Variants in AOC1 observed in about 807,000 individuals in gnomAD.
The protein encoded by AOC1 is diamine oxidase [copper-containing].
A neutral mutation model predicts 57.1 loss-of-function variants in AOC1; 58 were observed. The observed-to-expected ratio is 1.02, with a 90% CI of 0.82 to 1.26. The LOEUF is 1.26. Ranked by LOEUF, AOC1 falls within the 50% of genes most tolerant of loss-of-function variation. AOC1 has a pLI of 0.00. For missense variants in AOC1, 917 were observed against 1,005.3 expected (o/e 0.91, Z 1.19); for synonymous variants, 401 against 423.4 (o/e 0.95, Z 0.65).
In AOC1 at chr7:150,858,922, T is replaced by C. The variant is rs777486658; in HGVS notation, c.1730T>C (p.Leu577Pro). The C allele has an allele frequency of 1.9e-6, 3 of 1,612,728 alleles. No homozygotes were observed. The highest frequency in any genetic ancestry group is 2.2e-5 in the East Asian group (1 of 44,854). Reference sequence around the variant, plus strand: ...TTCAAAAGGAAGCTGCCTAAGTACCTGCTCTTTACCAGCCCCCAGGAGAAC... The same window carrying C: ...TTCAAAAGGAAGCTGCCTAAGTACCCGCTCTTTACCAGCCCCCAGGAGAAC... ...FRFKRKLPKY[L>P]LFTSPQENPW... Residue 577 changes from leucine (L) to proline (P), a missense_variant, in exon 3 of 5, where the codon CTG becomes CCG. Leu to Pro is a moderately conservative substitution (Grantham distance 98, BLOSUM62 -3). Transcript: ENST00000360937.
Position 150,861,330 on chromosome 7 carries a change from T to A in AOC1, c.*121T>A. On this transcript the variant is annotated 3_prime_UTR_variant, in exon 5 of 5. Transcript: ENST00000360937. This position sits in a 1 kb window ranked among gnomAD's most constrained non-coding sequence, Gnocchi z 4.5. ...TCTTGCGGGGAGGCACAGGGCCATG[T>A]GTGTAGGAAACACACGAACAGACGT... 1 of 1,236,556 alleles carries A rather than the reference T, an allele frequency of 8.1e-7. No homozygotes were observed. Among genetic ancestry groups the A allele is most frequent in the Non-Finnish European group, 1.1e-6 (1 of 907,762 alleles). 76.6% of individuals were successfully genotyped at this position (1,236,556 alleles called of 1,614,324 possible). A position where few individuals can be genotyped will look rare whatever the true frequency, so the allele number is the denominator to read the frequency against.
chr7:150,859,746 A>G (rs927513837), intron 3 of AOC1: 1 of 153,800 alleles, frequency 6.5e-6, no homozygotes, highest in Non-Finnish European at 1.5e-5. Context: ...AAATATATCT[A>G]CAATCCATTA....
Position 150,858,896 on chromosome 7 carries a change from C to T in AOC1, c.1704C>T (p.Arg568=). ...CCTGGGAGCGCCAGGCGGCCTTCCG[C>T]TTCAAAAGGAAGCTGCCTAAGTACC... ...QYSWERQAAF[R]FKRKLPKYLL... Residue 568 remains arginine (R), a synonymous_variant, in exon 3 of 5, where the codon CGC becomes CGT. Coordinates refer to ENST00000360937, the MANE Select transcript of AOC1 (RefSeq NM_001091.4). 24 of 1,613,666 alleles carry T rather than the reference C, an allele frequency of 1.5e-5. No homozygotes were observed. The highest frequency in any genetic ancestry group is 2.0e-5 in the Non-Finnish European group (24 of 1,179,740).
In AOC1 at chr7:150,857,425, T is replaced by C. The variant is rs1316167845; in HGVS notation, c.955T>C (p.Tyr319His). 2 of 1,611,004 alleles carry C rather than the reference T, an allele frequency of 1.2e-6. No individual in the cohort carries two copies. Among genetic ancestry groups the C allele is most frequent in the South Asian group, 1.1e-5 (1 of 91,054 alleles). ...CAGGCTGGAGGGCAACGCTGTGCTC[T>C]ACGGCGGCTGGAGCTTTGCCTTCCG... The part of the protein sequence containing the change: ...RFRLEGNAVL[Y>H]GGWSFAFRLR... Residue 319 changes from tyrosine (Y) to histidine (H), a missense_variant, in exon 2 of 5, where the codon TAC (tyrosine) becomes CAC (histidine). Physicochemically the swap from Tyr to His is moderately conservative, Grantham distance 83. Transcript: ENST00000360937. This position sits in a 1 kb window ranked among gnomAD's most constrained non-coding sequence, Gnocchi z 6.6.
chr7:150,860,005 C>G (rs1799919547), intron 3 of AOC1: 1 of 159,834 alleles, frequency 6.3e-6, no homozygotes, highest in East Asian at 1.8e-4. Context: ...ACAGCGAAAC[C>G]CTGTCTCTAC....
chr7:150,860,981 C>T lies in AOC1; in HGVS notation c.2028C>T (p.Ile676=). The T allele has an allele frequency of 6.2e-7, 1 of 1,613,700 alleles. No homozygotes were observed. The highest frequency in any genetic ancestry group is 8.5e-7 in the Non-Finnish European group (1 of 1,179,916). ...VAWVTVGFLH[I]PHSEDIPNTA... ...GGGTGACGGTGGGCTTCCTGCACAT[C>T]CCCCACTCAGAGGACATTCCCAACA... The change falls in exon 5 of 5, where the codon ATC becomes ATT. Residue 676 remains isoleucine, a synonymous_variant. Transcript: ENST00000360937.
intron 1 of AOC1, among the ~76,000 whole-genome samples, chr7:150,853,681 ATATATATATATATATATTTATT>A (rs1264350167): frequency 1.4e-5 from 1 of 72,262 alleles, no homozygotes; most frequent in Admixed American, 1.1e-4. Context: ...ATATATATAT[ATATATATATATATATATTTATT>A]TATTTATTTA....
Position 150,860,651 on chromosome 7 carries a change from G to C in AOC1, c.1989+18G>C. Reference sequence around the variant, plus strand: ...AAAATGAGGTACTGCCCTGTCCCCAGCCCTGCCCGGTGCTGGCCCTGCCTC... The same window carrying C: ...AAAATGAGGTACTGCCCTGTCCCCACCCCTGCCCGGTGCTGGCCCTGCCTC... On this transcript the variant is annotated intron_variant, in intron 4 of 4. Transcript: ENST00000360937. 6.2e-7 allele frequency: 1 copy of C among 1,612,114 alleles called. No homozygotes were observed. The highest frequency in any genetic ancestry group is 8.5e-7 in the Non-Finnish European group (1 of 1,178,828).
In AOC1 at chr7:150,858,964, G is replaced by A. The variant is rs201157437; in HGVS notation, c.1772G>A (p.Arg591His). The A allele has an allele frequency of 7.7e-5, 123 of 1,607,768 alleles. No individual in the cohort carries two copies. The highest frequency in any genetic ancestry group is 8.8e-5 in the South Asian group (8 of 90,526). ...CAGGAGAACCCCTGGGGCCACAAGCGCACGTACCGCCTGCAGATCCACTCC... is the reference window on the plus strand; with the variant it reads ...CAGGAGAACCCCTGGGGCCACAAGCACACGTACCGCCTGCAGATCCACTCC... ...SPQENPWGHKRTYRLQIHSMA... is the reference protein window; with the variant it reads ...SPQENPWGHKHTYRLQIHSMA... The change falls in exon 3 of 5, where the codon CGC (arginine) becomes CAC (histidine). Residue 591 changes from arginine (R) to histidine (H), a missense_variant. By Grantham distance (29) the Arg-to-His change is conservative. Transcript: ENST00000360937.
chr7:150,856,402 A>G lies in AOC1; in HGVS notation c.-16-53A>G. 1 of 1,526,538 alleles carries G rather than the reference A, an allele frequency of 6.6e-7. No individual in the cohort carries two copies. Among genetic ancestry groups the G allele is most frequent in the Non-Finnish European group, 8.8e-7 (1 of 1,142,740 alleles). The allele number at this position is 1,526,538 out of a possible 1,614,324, so 94.6% of individuals were successfully genotyped here. A position where few individuals can be genotyped will look rare whatever the true frequency, so the allele number is the denominator to read the frequency against. On this transcript the variant is annotated intron_variant, in intron 1 of 4. Transcript: ENST00000360937. This position sits in a 1 kb window ranked among gnomAD's most constrained non-coding sequence, Gnocchi z 5.2. ...AATTCCATGGCCCTAACCTGAGGGAAGCCCATCTCTGCCCATAAGACAACT... is the reference window on the plus strand; with the variant it reads ...AATTCCATGGCCCTAACCTGAGGGAGGCCCATCTCTGCCCATAAGACAACT...
Position 150,857,031 on chromosome 7 carries a change from G to C in AOC1, c.561G>C (p.Val187=), listed in dbSNP as rs1445096452. ...ACAGATGCCTGGCCTTCACCGATGT[G>C]GCCCCCCGGGGTGTGGCTTCTGGCC... ...CHDRCLAFTD[V]APRGVASGQR... The change falls in exon 2 of 5, where the codon GTG becomes GTC. Residue 187 remains valine (V), a synonymous_variant. Transcript: ENST00000360937. This position sits in a 1 kb window ranked among gnomAD's most constrained non-coding sequence, Gnocchi z 6.6. 1 of 1,614,122 alleles carries C rather than the reference G, an allele frequency of 6.2e-7. No individual in the cohort carries two copies. Among genetic ancestry groups the C allele is most frequent in the African/African-American group, 1.3e-5 (1 of 75,046 alleles).
chr7:150,860,368 C>A, intron 3 of AOC1, 133 bp from the exon 4 acceptor site: 1 of 1,512,110 alleles, frequency 6.6e-7, no homozygotes, highest in Non-Finnish European at 8.9e-7. Flanking sequence ...TGCTGACTCC[C>A]AGGACAGATG....
chr7:150,855,816 T>A (rs184464392), intron 1 of AOC1, among the ~76,000 whole-genome samples: 88 of 152,306 alleles, frequency 5.8e-4, no homozygotes, highest in Admixed American at 3.5e-3. Context: ...ATATTTACTG[T>A]TTAATTGATT....
At chr7:150,853,661 C>CTATATATA (rs201712777) in intron 1 of AOC1, among the ~76,000 whole-genome samples, 180 of 62,692 alleles carry the variant, frequency 2.9e-3, no homozygotes, top group South Asian at 5.0e-3. Context: ...GAGATCCTGA[C>CTATATATA]TATATATATA....
chr7:150,860,285 C>G (rs1364071807), intron 3 of AOC1, among the ~76,000 whole-genome samples: 1 of 142,320 alleles, frequency 7.0e-6, no homozygotes, highest in Non-Finnish European at 1.5e-5. Flanking sequence ...GGGCCTGTGT[C>G]TCTGTGCATT....
chr7:150,857,858 A>G lies in AOC1; in HGVS notation c.1388A>G (p.Tyr463Cys). Reference protein sequence around the residue: ...RTTSTVYNYDYIWDFIFYPNG... With the variant: ...RTTSTVYNYDCIWDFIFYPNG... ...ACTTCAACTGTCTACAATTATGATTACATTTGGGACTTTATCTTCTACCCC... is the reference window on the plus strand; with the variant it reads ...ACTTCAACTGTCTACAATTATGATTGCATTTGGGACTTTATCTTCTACCCC... The change falls in exon 2 of 5, where the codon TAC (tyrosine) becomes TGC (cysteine). Residue 463 changes from tyrosine to cysteine, a missense_variant. Physicochemically the swap from Tyr to Cys is radical, Grantham distance 194 (BLOSUM62 -2). Transcript: ENST00000360937. The surrounding 1 kb of genome is among the most constrained non-coding windows in gnomAD (Gnocchi z 6.6). 6.2e-7 allele frequency: 1 copy of G among 1,613,886 alleles called. No individual in the cohort carries two copies. Among genetic ancestry groups the G allele is most frequent in the South Asian group, 1.1e-5 (1 of 91,074 alleles).
In AOC1 at chr7:150,853,676, TA is replaced by T. The variant is rs56656074; in HGVS notation, c.-17+1119del. 9.6e-3 allele frequency among the ~76,000 whole-genome samples: 1,168 copies of T among 121,894 alleles called. 31 individuals are homozygous for T. Among genetic ancestry groups the T allele is most frequent in the African/African-American group, 0.042 (1,081 of 25,828 alleles). 80.0% of individuals were successfully genotyped at this position (121,894 alleles called of 152,430 possible). On this transcript the variant is annotated intron_variant, in intron 1 of 4. Transcript: ENST00000360937. ...GAGATCCTGACTATATATATATATA[TA>T]TATATATATATATATATATATTTAT...
At chr7:150,853,677 A>G (rs1584795031) in intron 1 of AOC1, among the ~76,000 whole-genome samples, 1 of 83,360 alleles carries the variant, frequency 1.2e-5, no homozygotes, top group African/African-American at 5.1e-5. Context: ...ATATATATAT[A>G]TATATATATA....
chr7:150,859,121 T>G, intron 3 of AOC1, 73 bp downstream of exon 3: 1 of 1,426,460 alleles, frequency 7.0e-7, no homozygotes. Flanking sequence ...TCTGTCTGTG[T>G]TTGTGTCTAT....
Sources: allele counts gnomAD v4.1 joint callset (sites outside exome capture counted in the v4.1 genomes callset), GRCh38; gene constraint gnomAD v4.1.1; non-coding constraint Gnocchi (gnomAD v3.1); transcripts MANE v1.5; gene names NCBI Gene and HGNC (gene_info 2026-07-23, HGNC 2026-07-21).